The following DEPDC1B variants were observed in gnomAD, a reference collection of about 807,000 sequenced individuals.
DEPDC1B encodes DEP domain containing 1B.
Under a neutral mutation model 66.5 loss-of-function variants are expected in DEPDC1B, and 51 were observed. That is an observed-to-expected ratio of 0.77 (90% confidence interval 0.61 to 0.97). The LOEUF is 0.97. Ranked by LOEUF, DEPDC1B falls within the 50% of genes least tolerant of loss-of-function variation. DEPDC1B has a pLI of 0.00. For synonymous variants in DEPDC1B, 226 were observed against 223.6 expected, an observed-to-expected ratio of 1.01 and a Z score of -0.10; for missense variants, 552 against 637.1, an observed-to-expected ratio of 0.87 and a Z score of 1.44.
intron 1 of DEPDC1B, among the ~76,000 whole-genome samples, chr5:60,695,332 G>A (rs1037955574): frequency 5.9e-5 from 9 of 152,130 alleles, no homozygotes; most frequent in African/African-American, 2.2e-4. Context: ...AAGGTGAAGC[G>A]GAAGCAGGCA....
rs1752521891 is a variant in DEPDC1B, at chr5:60,615,385, T to A, written c.899-9529A>T. Among the ~76,000 whole-genome samples the A allele has an allele frequency of 2.6e-5, 4 of 152,154 alleles. 1 individual carries two copies. In the South Asian group the frequency reaches 8.3e-4, roughly 32 times the overall value. On this transcript the variant is annotated intron_variant, in intron 7 of 10. Coordinates refer to ENST00000265036, the MANE Select transcript of DEPDC1B (RefSeq NM_018369.3). ...TGGGAAGCACAAGGGGTCAGGGAAT[T>A]CCCTTTCCTAGTCAAAGAAAGGGGT...
At chr5:60,614,608 T>A (rs1411466380) in intron 7 of DEPDC1B, among the ~76,000 whole-genome samples, 1 of 152,252 alleles carries the variant, frequency 6.6e-6, no homozygotes, top group Non-Finnish European at 1.5e-5. Context: ...AGATGTAATA[T>A]GTTTATTAAA....
At chr5:60,679,738 G>A (rs772412212) in intron 2 of DEPDC1B, among the ~76,000 whole-genome samples, 26 of 152,316 alleles carry the variant, frequency 1.7e-4, no homozygotes, top group Non-Finnish European at 3.1e-4. Flanking sequence ...GCCATGTATA[G>A]GCTCCATGCC....
At chr5:60,641,578 G>A (rs190355508) in intron 6 of DEPDC1B, among the ~76,000 whole-genome samples, 20 of 151,928 alleles carry the variant, frequency 1.3e-4, no homozygotes, top group African/African-American at 4.1e-4. Context: ...CACCCACCTC[G>A]ACCTCCCAAA....
intron 1 of DEPDC1B, among the ~76,000 whole-genome samples, chr5:60,691,510 A>C (rs1754544977): frequency 6.6e-6 from 1 of 152,212 alleles, no homozygotes; most frequent in Non-Finnish European, 1.5e-5. Flanking sequence ...GCTCCAAATT[A>C]AGTTAGTCCA....
At chr5:60,675,335 G>A (rs1249137492) in intron 2 of DEPDC1B, among the ~76,000 whole-genome samples, 1 of 152,140 alleles carries the variant, frequency 6.6e-6, no homozygotes, top group African/African-American at 2.4e-5. Flanking sequence ...ACAACAACCT[G>A]GGCATTCATT....
intron 7 of DEPDC1B, among the ~76,000 whole-genome samples, chr5:60,617,895 A>T (rs1158289227): frequency 1.3e-5 from 2 of 152,112 alleles, no homozygotes; most frequent in African/African-American, 2.4e-5. Flanking sequence ...GAAGTAAAGC[A>T]CTCCTCAGCA....
intron 2 of DEPDC1B, among the ~76,000 whole-genome samples, chr5:60,650,652 A>T (rs181012673): frequency 6.6e-6 from 1 of 152,334 alleles, no homozygotes; most frequent in African/African-American, 2.4e-5. Context: ...CAGACATTAC[A>T]GATCAGTGGG....
chr5:60,623,090 ACTTT>A (rs1371281440), intron 7 of DEPDC1B, among the ~76,000 whole-genome samples: 2 of 152,142 alleles, frequency 1.3e-5, no homozygotes, highest in Non-Finnish European at 2.9e-5. Flanking sequence ...TTTCTCCTAT[ACTTT>A]CTTTTGGAAG....
intron 2 of DEPDC1B, among the ~76,000 whole-genome samples, chr5:60,685,627 G>A (rs1416780979): frequency 1.3e-5 from 2 of 152,136 alleles, no homozygotes; most frequent in Non-Finnish European, 1.5e-5. Context: ...CCTGGGACTC[G>A]ATGGGAGGTA....
At chr5:60,671,584 C>T (rs1044456042) in intron 2 of DEPDC1B, among the ~76,000 whole-genome samples, 6 of 152,184 alleles carry the variant, frequency 3.9e-5, no homozygotes, top group Admixed American at 1.3e-4. Context: ...GCTCTTGCTA[C>T]CCAATTCTTT....
At chr5:60,644,411 G>A (rs1753261533) in intron 5 of DEPDC1B, among the ~76,000 whole-genome samples, 1 of 152,088 alleles carries the variant, frequency 6.6e-6, no homozygotes, top group African/African-American at 2.4e-5. Flanking sequence ...TCAGACCCCA[G>A]GGCCCACCTG....
At chr5:60,652,281 G>A (rs1471552483) in intron 2 of DEPDC1B, among the ~76,000 whole-genome samples, 1 of 149,396 alleles carries the variant, frequency 6.7e-6, no homozygotes, top group Non-Finnish European at 1.5e-5. Flanking sequence ...AGATGAAGCA[G>A]AGGACACAAA....
intron 2 of DEPDC1B, among the ~76,000 whole-genome samples, chr5:60,654,887 T>G (rs1234454584): frequency 6.7e-6 from 1 of 149,048 alleles, no homozygotes; most frequent in Non-Finnish European, 1.5e-5. Context: ...GGGATGATCA[T>G]GATTTTTGTT....
At chr5:60,663,812 T>G (rs995187767) in intron 2 of DEPDC1B, among the ~76,000 whole-genome samples, 2 of 152,240 alleles carry the variant, frequency 1.3e-5, no homozygotes, top group Admixed American at 1.3e-4. Flanking sequence ...CACTTGTGGC[T>G]ACAAGGTTTC....
intron 6 of DEPDC1B, among the ~76,000 whole-genome samples, chr5:60,639,101 T>A (rs768571105): frequency 5.3e-5 from 8 of 152,222 alleles, no homozygotes; most frequent in Non-Finnish European, 1.0e-4. Context: ...CAAATATGCT[T>A]TATGTCTAAA....
In DEPDC1B at chr5:60,603,580, C is replaced by T. The variant is rs755851996; in HGVS notation, c.1066-13G>A. 4 of 1,568,754 alleles carry T rather than the reference C, an allele frequency of 2.5e-6. No homozygotes were observed. In the South Asian group the frequency reaches 3.6e-5, roughly 14 times the overall value. The stretch of plus-strand genomic sequence containing the variant: ...ATGTCTGAACCATCTAAAAAAAGAG[C>T]GGGGTGGGGGGTAAACGCAGATGAG... On this transcript the variant is annotated splice_polypyrimidine_tract_variant and intron_variant, in intron 8 of 10. Coordinates refer to ENST00000265036, the MANE Select transcript of DEPDC1B (RefSeq NM_018369.3).
intron 2 of DEPDC1B, among the ~76,000 whole-genome samples, chr5:60,668,058 A>ATTTTATATATATATAAAATGGATATT: frequency 1.1e-5 from 1 of 92,880 alleles, no homozygotes; most frequent in Non-Finnish European, 1.9e-5. Context: ...TAAAATGGAT[A>ATTTTATATATATATAAAATGGATATT]TTTTATATAT....
intron 2 of DEPDC1B, among the ~76,000 whole-genome samples, chr5:60,656,203 C>T (rs1753571627): frequency 6.7e-6 from 1 of 149,464 alleles, no homozygotes; most frequent in African/African-American, 2.5e-5. Context: ...CTCTGCCACC[C>T]AGGCTGGAGT....
Sources: allele counts gnomAD v4.1 joint callset (sites outside exome capture counted in the v4.1 genomes callset), GRCh38; gene constraint gnomAD v4.1.1; transcripts MANE v1.5; gene names NCBI Gene and HGNC (gene_info 2026-07-23, HGNC 2026-07-21).